The following PTPN9 variants were observed in gnomAD, a reference collection of about 807,000 sequenced individuals.
PTPN9 encodes tyrosine-protein phosphatase non-receptor type 9.
PTPN9 carries 26 observed loss-of-function variants against 69.8 expected under a neutral mutation model. The observed-to-expected ratio is 0.37, with a 90% CI of 0.27 to 0.52. PTPN9 has a LOEUF of 0.52. PTPN9 is among the 20% of genes least tolerant of loss of function. The pLI is 0.91. For synonymous variants in PTPN9, 274 were observed against 272.5 expected, an observed-to-expected ratio of 1.01 and a Z score of -0.05; for missense variants, 549 against 740.3, an observed-to-expected ratio of 0.74 and a Z score of 3.00.
intron 1 of PTPN9, among the ~76,000 whole-genome samples, chr15:75,533,983 T>C (rs994762988): frequency 1.3e-5 from 2 of 152,172 alleles, no homozygotes; most frequent in African/African-American, 4.8e-5. Context: ...AACCTGCTCT[T>C]GAAATAAACA....
intron 5 of PTPN9, among the ~76,000 whole-genome samples, chr15:75,516,290 ATGTATGTT>A (rs935458529): frequency 3.1e-4 from 47 of 149,496 alleles, no homozygotes; most frequent in Admixed American, 2.9e-3. Flanking sequence ...CAGGAAATTT[ATGTATGTT>A]TCTTCTTTTT....
intron 7 of PTPN9, among the ~76,000 whole-genome samples, chr15:75,504,819 T>C (rs370088589): frequency 0.58 from 70,438 of 120,936 alleles, 20,250 homozygotes; most frequent in African/African-American, 0.72. Context: ...GCCCCCCGCC[T>C]GGCCAGCCGC....
At chr15:75,469,685 A>T (rs2074553608) in intron 12 of PTPN9, 107 bp downstream of exon 12, 24 of 1,232,144 alleles carry the variant, frequency 1.9e-5, no homozygotes, top group Non-Finnish European at 2.8e-5. Flanking sequence ...CCACCAAGGG[A>T]GCAAGTGAGT....
chr15:75,497,349 A>G (rs949075311), intron 7 of PTPN9, among the ~76,000 whole-genome samples: 9 of 151,942 alleles, frequency 5.9e-5, no homozygotes, highest in African/African-American at 2.2e-4. Flanking sequence ...AAAATTAGCA[A>G]GGTGTGGCAC....
intron 8 of PTPN9, among the ~76,000 whole-genome samples, chr15:75,480,464 C>A (rs1313980104): frequency 2.0e-5 from 3 of 149,502 alleles, no homozygotes; most frequent in Non-Finnish European, 4.5e-5. Context: ...AGGTCTCTTC[C>A]GTGAGGAGCG....
intron 8 of PTPN9, among the ~76,000 whole-genome samples, chr15:75,486,785 T>G (rs1335081744): frequency 8.0e-5 from 12 of 149,202 alleles, no homozygotes; most frequent in African/African-American, 2.5e-4. Flanking sequence ...TGTGGTGTTT[T>G]TTTTTTTTTT....
chr15:75,476,314 G>T (rs2074595858), intron 9 of PTPN9, among the ~76,000 whole-genome samples: 1 of 152,062 alleles, frequency 6.6e-6, no homozygotes, highest in South Asian at 2.1e-4. Context: ...TAAATTAAAA[G>T]TTTAGTTTTG....
At chr15:75,528,471 C>A (rs2074940669) in intron 1 of PTPN9, among the ~76,000 whole-genome samples, 1 of 151,976 alleles carries the variant, frequency 6.6e-6, no homozygotes, top group Non-Finnish European at 1.5e-5. Flanking sequence ...CAGCTTCGAC[C>A]ACCTGGGCTC....
In PTPN9 at chr15:75,466,446, C is replaced by T. The variant is rs2074536770; in HGVS notation, c.*2323G>A. The T allele has an allele frequency of 6.6e-6, 1 of 152,172 alleles. No homozygotes were observed. The highest frequency in any genetic ancestry group is 6.5e-5 in the Admixed American group (1 of 15,282). 9.4% of individuals were successfully genotyped at this position (152,172 alleles called of 1,614,324 possible). A position where few individuals can be genotyped will look rare whatever the true frequency, so the allele number is the denominator to read the frequency against. On this transcript the variant is annotated 3_prime_UTR_variant, in exon 13 of 13. Coordinates refer to ENST00000618819, the MANE Select transcript of PTPN9 (RefSeq NM_002833.4). ...TTCTAAGAGATAAATGCAAATGACT[C>T]AAGATCTTCTCACAAAGACCATGTA...
intron 5 of PTPN9, among the ~76,000 whole-genome samples, chr15:75,515,821 C>T (rs1003846079): frequency 6.6e-6 from 1 of 151,576 alleles, no homozygotes; most frequent in Non-Finnish European, 1.5e-5. Flanking sequence ...TCATTTGAAC[C>T]GGGAGGTGGA....
At chr15:75,486,099 C>CA (rs571404981) in intron 8 of PTPN9, among the ~76,000 whole-genome samples, 34,728 of 86,284 alleles carry the variant, frequency 0.4, 6,323 homozygotes, top group African/African-American at 0.55. Context: ...GACTCCAACT[C>CA]AAAAAAAAAA....
intron 1 of PTPN9, among the ~76,000 whole-genome samples, chr15:75,545,817 C>T (rs567916442): frequency 5.4e-4 from 82 of 152,168 alleles, no homozygotes; most frequent in Admixed American, 8.5e-4. Context: ...GGTGTGGTGG[C>T]GCACGCCTGT....
intron 1 of PTPN9, among the ~76,000 whole-genome samples, chr15:75,544,903 A>G (rs920682908): frequency 7.9e-5 from 12 of 152,166 alleles, no homozygotes; most frequent in African/African-American, 2.7e-4. Flanking sequence ...TTGGCTTTCC[A>G]GATCATGCTA....
chr15:75,555,653 C>A (rs1053539052), intron 1 of PTPN9, among the ~76,000 whole-genome samples: 1 of 151,870 alleles, frequency 6.6e-6, no homozygotes, highest in African/African-American at 2.4e-5. Flanking sequence ...TACAGGCGTG[C>A]ACCACCATGC....
chr15:75,504,378 A>C, intron 7 of PTPN9, among the ~76,000 whole-genome samples: 3 of 107,524 alleles, frequency 2.8e-5, no homozygotes, highest in African/African-American at 7.6e-5. Context: ...TCCGGGAGGG[A>C]GGTGGGGGGC....
intron 8 of PTPN9, among the ~76,000 whole-genome samples, chr15:75,486,787 T>A (rs939560789): frequency 6.7e-6 from 1 of 149,790 alleles, no homozygotes; most frequent in Non-Finnish European, 1.5e-5. Context: ...TGGTGTTTTT[T>A]TTTTTTTTTT....
rs2075186832 is a variant in PTPN9, at chr15:75,578,889, CAT to C, written c.-115_-114del. On this transcript the variant is annotated 5_prime_UTR_variant, in exon 1 of 13. It removes an upstream start codon present in the reference 5' UTR. Coordinates refer to ENST00000618819, the MANE Select transcript of PTPN9 (RefSeq NM_002833.4). ...CTCAGCAGCCCGGGGCCGGCTCGCG[CAT>C]AGTGTGGCCGGCAGGGCCCGGCGCC... The C allele has an allele frequency of 1.4e-6, 1 of 693,846 alleles. No individual in the cohort carries two copies. Among genetic ancestry groups the C allele is most frequent in the African/African-American group, 1.9e-5 (1 of 52,942 alleles). The allele number at this position is 693,846 out of a possible 1,614,324, so 43.0% of individuals were successfully genotyped here. A position where few individuals can be genotyped will look rare whatever the true frequency, so the allele number is the denominator to read the frequency against.
At chr15:75,565,846 T>C (rs907653467) in intron 1 of PTPN9, among the ~76,000 whole-genome samples, 3 of 152,168 alleles carry the variant, frequency 2.0e-5, no homozygotes, top group Non-Finnish European at 4.4e-5. Flanking sequence ...AATGAACCAA[T>C]GGATGATGCA....
chr15:75,478,121 G>C (rs968501386), intron 9 of PTPN9, among the ~76,000 whole-genome samples: 1 of 150,784 alleles, frequency 6.6e-6, no homozygotes, highest in Non-Finnish European at 1.5e-5. Context: ...TTACAGGCAT[G>C]AACCACCACG....
Sources: gnomAD v4.1 joint callset for allele counts (sites outside exome capture counted in the v4.1 genomes callset) on GRCh38, gnomAD v4.1.1 for gene constraint, MANE v1.5 for transcripts, NCBI Gene and HGNC (gene_info 2026-07-23, HGNC 2026-07-21) for gene names.